Variants in PPP1R12A observed in about 807,000 individuals in gnomAD.
The protein encoded by PPP1R12A is myosin binding subunit.
In PPP1R12A, 19 loss-of-function variants were observed where a neutral mutation model predicts 139.6. That is an observed-to-expected ratio of 0.14 (90% confidence interval 0.09 to 0.20). PPP1R12A has a LOEUF of 0.20. Ranked by LOEUF, PPP1R12A falls within the 10% of genes least tolerant of loss-of-function variation. The probability of loss-of-function intolerance (pLI) is 1.00; values close to 1 mark genes in which losing one functional copy is unlikely to be tolerated. For missense variants in PPP1R12A, 925 were observed against 1,211.5 expected, an observed-to-expected ratio of 0.76 and a Z score of 3.51; for synonymous variants, 427 against 420.6, an observed-to-expected ratio of 1.02 and a Z score of -0.19.
chr12:79,797,574 GCA>G (rs2137029408), intron 15 of PPP1R12A, among the ~76,000 whole-genome samples, 179 bp from the exon 16 acceptor site: 2 of 152,184 alleles, frequency 1.3e-5, no homozygotes, highest in South Asian at 4.1e-4. Context: ...CCATTAGCAA[GCA>G]CAACGATAGG....
intron 2 of PPP1R12A, among the ~76,000 whole-genome samples, chr12:79,863,246 C>A (rs775385951): frequency 2.0e-5 from 3 of 152,080 alleles, no homozygotes; most frequent in African/African-American, 4.8e-5. Context: ...GAAATAAAAT[C>A]CTTTACAGAC....
intron 3 of PPP1R12A, among the ~76,000 whole-genome samples, chr12:79,843,603 C>CA (rs992075681): frequency 1.8e-4 from 22 of 121,840 alleles, no homozygotes; most frequent in African/African-American, 6.4e-4. Context: ...GACTCTGTCT[C>CA]AAAAAAAAAT....
At chr12:79,810,409 C>T (rs531001216) in intron 9 of PPP1R12A, among the ~76,000 whole-genome samples, 3 of 152,120 alleles carry the variant, frequency 2.0e-5, no homozygotes, top group East Asian at 3.9e-4. Context: ...GATTTTTCAC[C>T]CTTACTGGGC....
intron 1 of PPP1R12A, among the ~76,000 whole-genome samples, chr12:79,906,020 A>G (rs1355682470): frequency 6.6e-6 from 1 of 152,184 alleles, no homozygotes; most frequent in East Asian, 1.9e-4. Flanking sequence ...GGAGATGCTC[A>G]GCTAAGGAAA....
At chr12:79,876,975 C>A (rs754486812) in intron 1 of PPP1R12A, among the ~76,000 whole-genome samples, 26 of 151,984 alleles carry the variant, frequency 1.7e-4, no homozygotes, top group Admixed American at 2.6e-4. Context: ...CATGCCACTG[C>A]ACTCCAGCCT....
At chr12:79,824,452 C>T (rs572666170) in intron 5 of PPP1R12A, among the ~76,000 whole-genome samples, 1 of 152,230 alleles carries the variant, frequency 6.6e-6, no homozygotes, top group South Asian at 2.1e-4. Context: ...AATCAAGGAA[C>T]TCTCCTCTTT....
chr12:79,885,180 G>C (rs1481435406), intron 1 of PPP1R12A, among the ~76,000 whole-genome samples: 1 of 151,986 alleles, frequency 6.6e-6, no homozygotes, highest in Non-Finnish European at 1.5e-5. Flanking sequence ...AATTAATCCA[G>C]TTCTGCCATT....
Position 79,779,341 on chromosome 12 carries a change from T to C in PPP1R12A, c.2956-741A>G, listed in dbSNP as rs755514567. 6.2e-6 allele frequency: 8 copies of C among 1,289,122 alleles called. No homozygotes were observed. In the Middle Eastern group the frequency reaches 1.1e-3, roughly 172 times the overall value. The allele number at this position is 1,289,122 out of a possible 1,614,324, so 79.9% of individuals were successfully genotyped here. A position where few individuals can be genotyped will look rare whatever the true frequency, so the allele number is the denominator to read the frequency against. On this transcript the variant is annotated intron_variant, in intron 23 of 24. Transcript: ENST00000450142. The stretch of plus-strand genomic sequence containing the variant: ...CATACCGCCCAGAAGATACTGACTC[T>C]TGCCGGTCACCTTTCAGATACAAAC...
rs537307663 is a variant in PPP1R12A, at chr12:79,872,840, T to A, written c.336A>T (p.Ala112=). The change falls in exon 2 of 25, where the codon GCA becomes GCT. Residue 112 remains alanine, a synonymous_variant. Transcript: ENST00000450142. The stretch of plus-strand genomic sequence containing the variant: ...TATCAAGATATCCACAGGAAGCTGC[T>A]GCATGTAGTGGTATCCAGCCTTCAT... ...PDNEGWIPLH[A]AASCGYLDIA... The A allele has an allele frequency of 6.2e-7, 1 of 1,613,650 alleles. No individual in the cohort carries two copies.
At chr12:79,888,553 A>G (rs945314747) in intron 1 of PPP1R12A, among the ~76,000 whole-genome samples, 1 of 152,146 alleles carries the variant, frequency 6.6e-6, no homozygotes, top group African/African-American at 2.4e-5. Context: ...GTTACATAGA[A>G]GCAAGGGGAA....
chr12:79,933,092 T>C (rs1413963629), intron 1 of PPP1R12A, among the ~76,000 whole-genome samples: 1 of 152,224 alleles, frequency 6.6e-6, no homozygotes, highest in East Asian at 1.9e-4. Context: ...TTTAAAATTT[T>C]ACGAGTTATG....
chr12:79,872,477 A>G (rs1418686958), intron 2 of PPP1R12A, among the ~76,000 whole-genome samples: 1 of 152,192 alleles, frequency 6.6e-6, no homozygotes, highest in African/African-American at 2.4e-5. Context: ...TTATGATTAT[A>G]AAGGAATGAG....
At chr12:79,779,633 G>C in intron 23 of PPP1R12A, 1 of 301,244 alleles carries the variant, frequency 3.3e-6, no homozygotes, top group Non-Finnish European at 6.7e-6. Flanking sequence ...ATACAGTCAT[G>C]ACAAATTCAT....
chr12:79,886,992 G>A (rs952936297), intron 1 of PPP1R12A, among the ~76,000 whole-genome samples: 2 of 152,042 alleles, frequency 1.3e-5, no homozygotes, highest in African/African-American at 4.8e-5. Flanking sequence ...AGTCATTAGG[G>A]ATACAAAATA....
chr12:79,929,961 G>A (rs1445063513), intron 1 of PPP1R12A, among the ~76,000 whole-genome samples: 3 of 152,116 alleles, frequency 2.0e-5, no homozygotes, highest in African/African-American at 2.4e-5. Context: ...TATTGATGAG[G>A]TAAAAAGATA....
intron 9 of PPP1R12A, 103 bp from the exon 10 acceptor site, chr12:79,810,113 G>A: frequency 2.1e-6 from 2 of 933,410 alleles, no homozygotes; most frequent in South Asian, 1.9e-5. Flanking sequence ...TTAAAATTAT[G>A]GTTTACAGTT....
At chr12:79,861,964 C>T (rs1183241941) in intron 2 of PPP1R12A, among the ~76,000 whole-genome samples, 2 of 152,188 alleles carry the variant, frequency 1.3e-5, no homozygotes, top group Admixed American at 6.5e-5. Flanking sequence ...AGCAGTGGCT[C>T]TCCCAGCACA....
intron 2 of PPP1R12A, 148 bp downstream of exon 2, chr12:79,872,660 C>T (rs1048803041): frequency 5.4e-6 from 5 of 920,888 alleles, no homozygotes; most frequent in Non-Finnish European, 7.7e-6. Flanking sequence ...TATGGATTCC[C>T]AATAACCACT....
intron 1 of PPP1R12A, among the ~76,000 whole-genome samples, chr12:79,930,032 T>C (rs1276756006): frequency 6.6e-6 from 1 of 152,106 alleles, no homozygotes; most frequent in Non-Finnish European, 1.5e-5. Context: ...ATACAAAAAT[T>C]GTGGAAGATT....
Sources: allele counts gnomAD v4.1 joint callset (sites outside exome capture counted in the v4.1 genomes callset), GRCh38; gene constraint gnomAD v4.1.1; transcripts MANE v1.5; gene names NCBI Gene and HGNC (gene_info 2026-07-23, HGNC 2026-07-21).